Variants in AGBL4 observed in about 807,000 individuals in gnomAD.
AGBL4 encodes cytosolic carboxypeptidase 6.
A neutral mutation model predicts 66.4 loss-of-function variants in AGBL4; 58 were observed. That is an observed-to-expected ratio of 0.87 (90% CI 0.71 to 1.09). The LOEUF (loss-of-function observed/expected upper bound fraction) is 1.09. Ranked by LOEUF, AGBL4 falls within the 50% of genes least tolerant of loss-of-function variation. The pLI is 0.00. For synonymous variants in AGBL4, 234 were observed against 222.9 expected, an observed-to-expected ratio of 1.05 and a Z score of -0.44; for missense variants, 579 against 631.0, an observed-to-expected ratio of 0.92 and a Z score of 0.88.
chr1:48,671,745 C>T (rs906482007), intron 6 of AGBL4, among the ~76,000 whole-genome samples: 1 of 152,196 alleles, frequency 6.6e-6, no homozygotes. Flanking sequence ...CAGTAAGCAA[C>T]AGGAAAGCCA....
At chr1:49,566,737 C>T (rs900804239) in intron 3 of AGBL4, among the ~76,000 whole-genome samples, 2 of 152,100 alleles carry the variant, frequency 1.3e-5, no homozygotes, top group African/African-American at 2.4e-5. Flanking sequence ...TTAGGCTACT[C>T]GGGGGTTAGG....
At chr1:48,555,408 A>G (rs1418953) in intron 11 of AGBL4, among the ~76,000 whole-genome samples, 81,831 of 152,026 alleles carry the variant, frequency 0.54, 25,080 homozygotes, top group Non-Finnish European at 0.71. Flanking sequence ...TTGGCCAGGT[A>G]AAGAGAGTTG....
intron 3 of AGBL4, among the ~76,000 whole-genome samples, chr1:49,433,681 C>A (rs971552142): frequency 6.6e-6 from 1 of 152,044 alleles, no homozygotes; most frequent in African/African-American, 2.4e-5. Context: ...CAAAATAAGC[C>A]GGATTTGAAT....
At chr1:49,940,646 A>G (rs1028766627) in intron 1 of AGBL4, among the ~76,000 whole-genome samples, 1 of 152,120 alleles carries the variant, frequency 6.6e-6, no homozygotes. Context: ...GTGGGAATTG[A>G]ACAATGAGAA....
chr1:49,279,088 G>T (rs949217922), intron 3 of AGBL4, among the ~76,000 whole-genome samples: 3 of 152,162 alleles, frequency 2.0e-5, no homozygotes, highest in Non-Finnish European at 4.4e-5. Flanking sequence ...GCAAACAGCA[G>T]ATAAAATATT....
At chr1:48,835,574 T>G (rs532081588) in intron 6 of AGBL4, among the ~76,000 whole-genome samples, 2 of 152,216 alleles carry the variant, frequency 1.3e-5, no homozygotes, top group Non-Finnish European at 2.9e-5. Flanking sequence ...GATGTGTAGG[T>G]AGTACTAGAG....
chr1:49,700,276 C>T (rs1490830958), intron 2 of AGBL4, among the ~76,000 whole-genome samples: 1 of 148,438 alleles, frequency 6.7e-6, no homozygotes. Context: ...GGTAATTCCA[C>T]CAAGAACATA....
At chr1:49,892,160 C>G (rs1354650868) in intron 1 of AGBL4, among the ~76,000 whole-genome samples, 1 of 152,212 alleles carries the variant, frequency 6.6e-6, no homozygotes, top group Non-Finnish European at 1.5e-5. Flanking sequence ...ATAGTATCTT[C>G]TCAACCTGGC....
At chr1:48,726,307 T>A (rs903905722) in intron 6 of AGBL4, among the ~76,000 whole-genome samples, 2 of 152,184 alleles carry the variant, frequency 1.3e-5, no homozygotes, top group Non-Finnish European at 2.9e-5. Flanking sequence ...GTGTCTTTGT[T>A]ACTCACAGAG....
intron 3 of AGBL4, among the ~76,000 whole-genome samples, chr1:49,609,336 C>A (rs1183511356): frequency 1.3e-5 from 2 of 151,598 alleles, no homozygotes; most frequent in African/African-American, 2.4e-5. Flanking sequence ...AAATCACCAA[C>A]AAATAATTAA....
chr1:50,023,680 G>T, intron 1 of AGBL4, 83 bp downstream of exon 1: 1 of 1,473,630 alleles, frequency 6.8e-7, no homozygotes, highest in South Asian at 1.4e-5. Context: ...TCAGGAGTAG[G>T]ACCATGCCCG....
intron 9 of AGBL4, among the ~76,000 whole-genome samples, chr1:48,616,922 C>A (rs1170429277): frequency 6.6e-6 from 1 of 152,176 alleles, no homozygotes; most frequent in African/African-American, 2.4e-5. Context: ...CGGCTGGTTT[C>A]TTTTCTGCCT....
At chr1:49,081,981 C>A (rs959797703) in intron 4 of AGBL4, among the ~76,000 whole-genome samples, 18 of 151,998 alleles carry the variant, frequency 1.2e-4, no homozygotes, top group Non-Finnish European at 8.8e-5. Flanking sequence ...ATCATTGCTC[C>A]AATTTCAAAA....
At chr1:49,926,941 G>A (rs1022918057) in intron 1 of AGBL4, among the ~76,000 whole-genome samples, 4 of 152,168 alleles carry the variant, frequency 2.6e-5, no homozygotes, top group African/African-American at 9.7e-5. Context: ...CCATCTGCAA[G>A]CTGAGGAGCA....
chr1:49,442,178 G>T (rs1016419995), intron 3 of AGBL4, among the ~76,000 whole-genome samples: 4 of 149,960 alleles, frequency 2.7e-5, no homozygotes, highest in Non-Finnish European at 5.9e-5. Context: ...CTGGGCCTGA[G>T]AGAGAGAGAG....
chr1:49,602,682 G>T (rs1644983039), intron 3 of AGBL4, among the ~76,000 whole-genome samples: 1 of 151,966 alleles, frequency 6.6e-6, no homozygotes, highest in Non-Finnish European at 1.5e-5. Context: ...TCACACACTG[G>T]GGCCTGTTCG....
intron 1 of AGBL4, among the ~76,000 whole-genome samples, chr1:49,926,556 A>G (rs1028031945): frequency 6.6e-6 from 1 of 152,220 alleles, no homozygotes; most frequent in African/African-American, 2.4e-5. Context: ...TGAACTACAT[A>G]AGGCACTAGG....
intron 3 of AGBL4, among the ~76,000 whole-genome samples, chr1:49,514,078 A>T (rs1450165436): frequency 6.6e-6 from 1 of 151,922 alleles, no homozygotes; most frequent in Non-Finnish European, 1.5e-5. Context: ...TTGTATCCTG[A>T]GACTTTGCTG....
intron 11 of AGBL4, among the ~76,000 whole-genome samples, chr1:48,558,613 G>C (rs1644355145): frequency 6.6e-6 from 1 of 152,204 alleles, no homozygotes; most frequent in Non-Finnish European, 1.5e-5. Context: ...GAGAGGGTGG[G>C]ATATCCACCA....
Sources: gnomAD v4.1 joint callset for allele counts (sites outside exome capture counted in the v4.1 genomes callset) on GRCh38, gnomAD v4.1.1 for gene constraint, MANE v1.5 for transcripts, NCBI Gene and HGNC (gene_info 2026-07-23, HGNC 2026-07-21) for gene names.